The following KIAA0930 variants were observed in gnomAD, a reference collection of about 807,000 sequenced individuals.
KIAA0930 encodes KIAA0930, also known as uncharacterized protein KIAA0930.
Under a neutral mutation model 43.9 loss-of-function variants are expected in KIAA0930, and 24 were observed. The ratio of observed to expected loss-of-function variants is 0.55; its 90% CI spans 0.40 to 0.77. The LOEUF (loss-of-function observed/expected upper bound fraction) is 0.77, where lower values mean the gene tolerates loss of function less well. KIAA0930 is among the 30% of genes least tolerant of loss of function. KIAA0930 has a pLI of 0.00. For synonymous variants in KIAA0930, 259 were observed against 216.4 expected (o/e 1.20, Z -1.73); for missense variants, 461 against 574.2 (o/e 0.80, Z 2.02).
At chr22:45,228,736 A>ATC (rs200756350) in intron 1 of KIAA0930, among the ~76,000 whole-genome samples, 1 of 27,250 alleles carries the variant, frequency 3.7e-5, no homozygotes. Flanking sequence ...ATCCCTCTCC[A>ATC]CCCCCCTACC....
chr22:45,216,005 G>A (rs1402967301), intron 1 of KIAA0930, among the ~76,000 whole-genome samples: 1 of 148,100 alleles, frequency 6.8e-6, no homozygotes, highest in Non-Finnish European at 1.5e-5. Flanking sequence ...TCCAGCCTGG[G>A]CGACAGAGCG....
intron 2 of KIAA0930, among the ~76,000 whole-genome samples, chr22:45,209,516 C>G (rs2083673500): frequency 6.6e-6 from 1 of 152,194 alleles, no homozygotes; most frequent in African/African-American, 2.4e-5. Context: ...CCACTCTGCA[C>G]TCACTGGTCC....
At position 45,212,032 on chromosome 22, in the gene KIAA0930, C is replaced by T. The variant is rs770360506; in HGVS notation, c.140G>A (p.Arg47Gln). 1.2e-5 allele frequency: 20 copies of T among 1,613,866 alleles called. No homozygotes were observed. Among genetic ancestry groups the T allele is most frequent in the East Asian group, 2.2e-5 (1 of 44,876 alleles). Residue 47 changes from arginine (R) to glutamine (Q), a missense_variant, in exon 2 of 10, where the codon CGG becomes CAG. Coordinates refer to ENST00000336156, the MANE Select transcript of KIAA0930 (RefSeq NM_001009880.2). ...CACATAGAAAAGCATGTCGTCCTGCCGGGGAGCCCATTTCTCCATGAAGTA... is the reference window on the plus strand; with the variant it reads ...CACATAGAAAAGCATGTCGTCCTGCTGGGGAGCCCATTTCTCCATGAAGTA... ...STYFMEKWAP[R>Q]QDDMLFYVRR...
rs1285460973 is a variant in KIAA0930, at chr22:45,205,881, T to C, written c.248A>G (p.Tyr83Cys). 6.2e-7 allele frequency: 1 copy of C among 1,611,620 alleles called. No individual in the cohort carries two copies. Among genetic ancestry groups the C allele is most frequent in the East Asian group, 2.2e-5 (1 of 44,690 alleles). ...AAEPEVEVEV[Y>C]RRDSKKLPGL... ...TGGCAGCTTCTTGGAGTCCCGCCGGTACACCTCCACCTCCACCTCAGGCTC... is the reference window on the plus strand; with the variant it reads ...TGGCAGCTTCTTGGAGTCCCGCCGGCACACCTCCACCTCCACCTCAGGCTC... Residue 83 changes from tyrosine to cysteine, a missense_variant, in exon 3 of 10, where the codon TAC becomes TGC. Physicochemically the swap from Tyr to Cys is radical, Grantham distance 194. Coordinates refer to ENST00000336156, the MANE Select transcript of KIAA0930 (RefSeq NM_001009880.2).
Position 45,203,909 on chromosome 22 carries a change from A to G in KIAA0930, c.593T>C (p.Phe198Ser). The G allele has an allele frequency of 6.2e-7, 1 of 1,614,024 alleles. No homozygotes were observed. Among genetic ancestry groups the G allele is most frequent in the African/African-American group, 1.3e-5 (1 of 74,998 alleles). ...ELVASDKTNTFQGVIFQGSIR... is the reference protein window; with the variant it reads ...ELVASDKTNTSQGVIFQGSIR... ...GGAGCCCTGAAAGATGACCCCCTGG[A>G]ACGTGTTGGTTTTGTCACTAGCCAC... Residue 198 changes from phenylalanine to serine, a missense_variant, in exon 6 of 10, where the codon TTC (phenylalanine) becomes TCC (serine). Physicochemically the swap from Phe to Ser is radical, Grantham distance 155. Transcript: ENST00000336156.
intron 1 of KIAA0930, among the ~76,000 whole-genome samples, chr22:45,230,543 T>C (rs2083846164): frequency 6.6e-6 from 1 of 151,656 alleles, no homozygotes; most frequent in Non-Finnish European, 1.5e-5. Context: ...AAACAGGCCT[T>C]GCTAAGTGCC....
chr22:45,234,132 G>A (rs2083871547), intron 1 of KIAA0930, among the ~76,000 whole-genome samples: 1 of 152,210 alleles, frequency 6.6e-6, no homozygotes, highest in African/African-American at 2.4e-5. Flanking sequence ...CTGACCCTGA[G>A]GGGCAAACGT....
chr22:45,208,239 A>G (rs1414078971), intron 2 of KIAA0930, among the ~76,000 whole-genome samples: 1 of 151,918 alleles, frequency 6.6e-6, no homozygotes, highest in Non-Finnish European at 1.5e-5. Flanking sequence ...ACTCACAAAC[A>G]TGACATGCGG....
chr22:45,212,303 G>A lies in KIAA0930; in HGVS notation c.65-196C>T. 6.2e-7 allele frequency: 1 copy of A among 1,612,932 alleles called. No homozygotes were observed. Among genetic ancestry groups the A allele is most frequent in the Non-Finnish European group, 8.5e-7 (1 of 1,179,708 alleles). On this transcript the variant is annotated intron_variant, in intron 1 of 9. Coordinates refer to ENST00000336156, the MANE Select transcript of KIAA0930 (RefSeq NM_001009880.2). ...AGAGAGGCTGGAGGACACCTCCCAGGAGGCCCAGTTCCTCCACTCAGCAGC... is the reference window on the plus strand; with the variant it reads ...AGAGAGGCTGGAGGACACCTCCCAGAAGGCCCAGTTCCTCCACTCAGCAGC...
chr22:45,225,288 G>C (rs9615068), intron 1 of KIAA0930, among the ~76,000 whole-genome samples: 5,194 of 152,204 alleles, frequency 0.034, 118 homozygotes, highest in African/African-American at 0.052. Context: ...TGTCCAGGGA[G>C]GCCCCTGGCT....
At chr22:45,215,313 T>A (rs1369984000) in intron 1 of KIAA0930, among the ~76,000 whole-genome samples, 1 of 152,214 alleles carries the variant, frequency 6.6e-6, no homozygotes, top group Non-Finnish European at 1.5e-5. Flanking sequence ...CCAATAAAAT[T>A]GTTAAGTTGT....
At position 45,206,701 on chromosome 22, in the gene KIAA0930, ATTTTTT is replaced by A. The variant is rs55641702; in HGVS notation, c.217-795_217-790del. ...ACCTCTCCTGGGAGACTGGCTTCCA[ATTTTTT>A]TTTTTTTTTGAGACAGAATCTCACT... On this transcript the variant is annotated intron_variant, in intron 2 of 9. Coordinates refer to ENST00000336156, the MANE Select transcript of KIAA0930 (RefSeq NM_001009880.2). Among the ~76,000 whole-genome samples the A allele has an allele frequency of 3.4e-5, 5 of 146,218 alleles. No individual in the cohort carries two copies. The South Asian group carries it at 1.1e-3, about 31-fold the overall frequency.
At chr22:45,206,012 T>C (rs2083635066) in intron 2 of KIAA0930, 100 bp from the exon 3 acceptor site, 37 of 1,532,112 alleles carry the variant, frequency 2.4e-5, no homozygotes, top group Non-Finnish European at 3.0e-5. Flanking sequence ...AGGACTCCAA[T>C]TCTTTTTTCT....
intron 1 of KIAA0930, among the ~76,000 whole-genome samples, chr22:45,224,322 CAAAAAAAAGTG>C (rs1242605774): frequency 6.6e-6 from 1 of 151,770 alleles, no homozygotes; most frequent in Non-Finnish European, 1.5e-5. Flanking sequence ...AAAACAAAGA[CAAAAAAAAGTG>C]AGGCCAGAAT....
At chr22:45,239,248 G>C (rs2083903642) in intron 1 of KIAA0930, among the ~76,000 whole-genome samples, 1 of 152,254 alleles carries the variant, frequency 6.6e-6, no homozygotes, top group Non-Finnish European at 1.5e-5. Context: ...TCCCAGCTCA[G>C]ATATTCGGTG....
intron 1 of KIAA0930, among the ~76,000 whole-genome samples, chr22:45,232,616 C>T (rs755842082): frequency 1.3e-5 from 2 of 152,180 alleles, no homozygotes; most frequent in East Asian, 1.9e-4. Flanking sequence ...TCCCCCAGGA[C>T]GGGCTGTGAC....
At chr22:45,230,865 C>A (rs1264642978) in intron 1 of KIAA0930, among the ~76,000 whole-genome samples, 1 of 151,556 alleles carries the variant, frequency 6.6e-6, no homozygotes, top group African/African-American at 2.4e-5. Context: ...CAGGCGTGAG[C>A]CACGTCGCCC....
chr22:45,203,744 G>T, intron 6 of KIAA0930, 101 bp downstream of exon 6: 1 of 1,384,552 alleles, frequency 7.2e-7, no homozygotes, highest in Non-Finnish European at 9.8e-7. Context: ...CCGCTACCAT[G>T]CACAAGCAGG....
chr22:45,219,544 C>CA (rs1439759326), intron 1 of KIAA0930, among the ~76,000 whole-genome samples: 1 of 144,524 alleles, frequency 6.9e-6, no homozygotes, highest in Non-Finnish European at 1.5e-5. Context: ...AACTATCTCC[C>CA]AAAAAAGTAC....
Sources: allele counts gnomAD v4.1 joint callset (sites outside exome capture counted in the v4.1 genomes callset), GRCh38; gene constraint gnomAD v4.1.1; transcripts MANE v1.5; gene names NCBI Gene and HGNC (gene_info 2026-07-23, HGNC 2026-07-21).